Variants in CDH15 observed in about 807,000 individuals in gnomAD.
CDH15 encodes cadherin-15.
CDH15 carries 73 observed loss-of-function variants against 69.4 expected under a neutral mutation model. The observed-to-expected ratio is 1.05, with a 90% CI of 0.87 to 1.28. CDH15 has a LOEUF of 1.28. Among genes scored for constraint, CDH15 ranks in the 50% most tolerant of loss-of-function variants. The probability of loss-of-function intolerance (pLI) is 0.00; values close to 1 mark genes in which losing one functional copy is unlikely to be tolerated. For missense variants in CDH15, 1,343 were observed against 1,133.6 expected (o/e 1.18, Z -2.65); for synonymous variants, 624 against 507.7 (o/e 1.23, Z -3.08).
intron 4 of CDH15, among the ~76,000 whole-genome samples, chr16:89,184,803 A>G (rs532354978): frequency 1.3e-5 from 2 of 152,200 alleles, no homozygotes; most frequent in Admixed American, 6.5e-5. Context: ...AGCTAGCCCA[A>G]TCTGACCCAG....
chr16:89,189,600 T>G (rs28504541), intron 7 of CDH15, among the ~76,000 whole-genome samples: 3 of 152,054 alleles, frequency 2.0e-5, no homozygotes, highest in Admixed American at 6.5e-5. Context: ...CTCCACCACT[T>G]TGCTCTGTCC....
rs532378772 is a variant in CDH15, at chr16:89,186,092, G to A, written c.663+759G>A. On this transcript the variant is annotated intron_variant, in intron 5 of 13. Coordinates refer to ENST00000289746, the MANE Select transcript of CDH15 (RefSeq NM_004933.3). ...GGTGCTCTGTAAACGCTTACCCAGC[G>A]CACAGTAGGTGCTCTGTAAAGGCTT... The A allele has an allele frequency of 4.2e-4, 57 of 136,172 alleles. 2 individuals are homozygous for A. Among genetic ancestry groups the A allele is most frequent in the African/African-American group, 1.2e-3 (41 of 35,242 alleles). 8.4% of individuals were successfully genotyped at this position (136,172 alleles called of 1,614,324 possible).
chr16:89,191,514 G>A, intron 9 of CDH15, 42 bp downstream of exon 9: 5 of 1,607,160 alleles, frequency 3.1e-6, no homozygotes, highest in Non-Finnish European at 4.2e-6. Context: ...ACCTGGCCTT[G>A]TCCCGGCTGA....
intron 1 of CDH15, among the ~76,000 whole-genome samples, chr16:89,172,777 C>A (rs896757965): frequency 5.9e-5 from 9 of 152,188 alleles, no homozygotes; most frequent in Non-Finnish European, 2.9e-5. Flanking sequence ...TGGGCTGGGG[C>A]ATGGCCGGCT....
intron 1 of CDH15, among the ~76,000 whole-genome samples, chr16:89,178,251 G>C (rs919810584): frequency 6.6e-6 from 1 of 152,126 alleles, no homozygotes; most frequent in East Asian, 1.9e-4. Flanking sequence ...CCGGCCTGAG[G>C]GTCGTCCCGG....
At chr16:89,194,029 C>A in intron 13 of CDH15, 116 bp downstream of exon 13, 6 of 1,190,310 alleles carry the variant, frequency 5.0e-6, no homozygotes, top group Admixed American at 2.0e-5. Flanking sequence ...CACTTATGGG[C>A]CGTCCCAGAG....
rs372350613 is a variant in CDH15 at position 89,183,526 on chromosome 16, C to A, written c.358-22C>A. On this transcript the variant is annotated intron_variant, in intron 3 of 13. Transcript: ENST00000289746. The stretch of plus-strand genomic sequence containing the variant: ...AGAAATTTGGGGGCCACAGAGCCAG[C>A]CCTTGCTCTATGTTTGAACAGCTAA... 5 of 1,613,884 alleles carry A rather than the reference C, an allele frequency of 3.1e-6. No homozygotes were observed. In the African/African-American group the frequency reaches 6.7e-5, roughly 22 times the overall value.
Position 89,191,378 on chromosome 16 carries a change from C to T in CDH15, c.1281C>T (p.Ala427=), listed in dbSNP as rs1567776267. Residue 427 remains alanine, a synonymous_variant, in exon 9 of 14, where the codon GCC becomes GCT. Transcript: ENST00000289746. The part of the protein sequence containing the change: ...DPEDWLQVDA[A]TGRIQTQHVL... ...AAGACTGGCTGCAAGTGGACGCAGC[C>T]ACTGGCCGGATCCAGACCCAGCACG... 1.2e-6 allele frequency: 2 copies of T among 1,612,794 alleles called. No homozygotes were observed. Among genetic ancestry groups the T allele is most frequent in the Non-Finnish European group, 1.7e-6 (2 of 1,179,996 alleles).
chr16:89,180,073 C>T, intron 2 of CDH15, 127 bp from the exon 3 acceptor site: 1 of 1,025,328 alleles, frequency 9.8e-7, no homozygotes, highest in East Asian at 2.6e-5. Flanking sequence ...GTACCAGGAT[C>T]CGTCCTCCAG....
intron 7 of CDH15, among the ~76,000 whole-genome samples, chr16:89,189,388 C>CTGG (rs1915588919): frequency 6.9e-6 from 1 of 145,000 alleles, no homozygotes; most frequent in African/African-American, 2.6e-5. Context: ...CACACAGATG[C>CTGG]CCACACACAG....
At position 89,191,809 on chromosome 16, in the gene CDH15, G is replaced by GC. The variant is rs763850576; in HGVS notation, c.1537dup (p.His513ProfsTer144). ...TCCTGGGCGCCACGGATGAGGACCT[G>GC]CCCCCCCACGGGGCCCCCTTCCACT... is the stretch of plus-strand genomic sequence containing the variant. On this transcript the variant is annotated frameshift_variant, in exon 10 of 14. Coordinates refer to ENST00000289746, the MANE Select transcript of CDH15 (RefSeq NM_004933.3). LOFTEE classifies it high-confidence loss of function. 36 of 1,604,944 alleles carry GC rather than the reference G, an allele frequency of 2.2e-5. No individual in the cohort carries two copies. The highest frequency in any genetic ancestry group is 6.7e-5 in the East Asian group (3 of 44,810).
intron 1 of CDH15, among the ~76,000 whole-genome samples, chr16:89,172,112 T>C (rs1362757090): frequency 6.6e-6 from 1 of 152,056 alleles, no homozygotes; most frequent in African/African-American, 2.4e-5. Context: ...TGCAGAGTGC[T>C]GCTGGGGTCA....
Position 89,190,306 on chromosome 16 carries a change from C to T in CDH15, c.1042C>T (p.Leu348=), listed in dbSNP as rs1349560518. ...AGTGTCGGTGCAGAATGAGGCCCCG[C>T]TGCAGGCGGCTGCCCTTAGGGCTGA... ...LKVSVQNEAP[L]QAAALRAERG... is the part of the protein sequence containing the mutation. Residue 348 remains leucine (L), a synonymous_variant, in exon 8 of 14, where the codon CTG becomes TTG. Coordinates refer to ENST00000289746, the MANE Select transcript of CDH15 (RefSeq NM_004933.3). 1.9e-6 allele frequency: 3 copies of T among 1,611,948 alleles called. No homozygotes were observed. The highest frequency in any genetic ancestry group is 1.7e-6 in the Non-Finnish European group (2 of 1,179,610).
In CDH15 at chr16:89,183,657, C is replaced by T. The variant is rs962270036; in HGVS notation, c.467C>T (p.Ala156Val). The T allele has an allele frequency of 3.7e-6, 6 of 1,612,052 alleles. No individual in the cohort carries two copies. Among genetic ancestry groups the T allele is most frequent in the Middle Eastern group, 1.6e-4 (1 of 6,084 alleles). ...NDNRPAFLQE[A>V]FTGRVLEGAV... ...AACCGGCCAGCCTTCCTGCAGGAGG[C>T]GTTCACTGGCCGCGTGCTGGAGGGT... The change falls in exon 4 of 14, where the codon GCG becomes GTG. Residue 156 changes from alanine to valine, a missense_variant. Ala to Val is a moderately conservative substitution (Grantham distance 64, BLOSUM62 0). Transcript: ENST00000289746.
intron 7 of CDH15, among the ~76,000 whole-genome samples, chr16:89,189,952 C>G (rs570521085): frequency 6.6e-6 from 1 of 152,366 alleles, no homozygotes; most frequent in African/African-American, 2.4e-5. Flanking sequence ...TATTTAAAAT[C>G]AAGTGACTGC....
intron 4 of CDH15, 143 bp downstream of exon 4, chr16:89,183,835 AC>A: frequency 1.2e-6 from 1 of 851,630 alleles, no homozygotes; most frequent in Non-Finnish European, 1.8e-6. Context: ...GTCCGTTTCC[AC>A]AGGTCAACTC....
intron 11 of CDH15, 57 bp from the exon 12 acceptor site, chr16:89,193,413 G>T: frequency 1.3e-6 from 1 of 782,338 alleles, no homozygotes; most frequent in Non-Finnish European, 1.8e-6. Context: ...TTCGCAGCCC[G>T]GCCCCCTGAA....
chr16:89,187,545 C>T lies in CDH15; in HGVS notation c.780C>T (p.Phe260=). 6.2e-7 allele frequency: 1 copy of T among 1,613,606 alleles called. No homozygotes were observed. The highest frequency in any genetic ancestry group is 1.7e-5 in the Admixed American group (1 of 60,034). The change falls in exon 6 of 14, where the codon TTC becomes TTT. Residue 260 remains phenylalanine, a synonymous_variant. Coordinates refer to ENST00000289746, the MANE Select transcript of CDH15 (RefSeq NM_004933.3). The part of the protein sequence containing the change: ...LDDINDNAPE[F]TRDEFFMEAI... ...ACATCAATGACAATGCCCCCGAGTT[C>T]ACCAGGGATGAGGTGCTGCTGCTGT...
chr16:89,187,566 G>A lies in CDH15; in HGVS notation c.792+9G>A, dbSNP rs1309439353. On this transcript the variant is annotated intron_variant, in intron 6 of 13. Coordinates refer to ENST00000289746, the MANE Select transcript of CDH15 (RefSeq NM_004933.3). ...AGTTCACCAGGGATGAGGTGCTGCTGCTGTCCCTCCCTCGAAAGTAGCCCC... is the reference window on the plus strand; with the variant it reads ...AGTTCACCAGGGATGAGGTGCTGCTACTGTCCCTCCCTCGAAAGTAGCCCC... The A allele has an allele frequency of 1.2e-6, 2 of 1,613,304 alleles. No individual in the cohort carries two copies. The highest frequency in any genetic ancestry group is 8.5e-7 in the Non-Finnish European group (1 of 1,180,024).
Sources: gnomAD v4.1 joint callset for allele counts (sites outside exome capture counted in the v4.1 genomes callset) on GRCh38, gnomAD v4.1.1 for gene constraint, MANE v1.5 for transcripts, NCBI Gene and HGNC (gene_info 2026-07-23, HGNC 2026-07-21) for gene names.